Variants in AJAP1 observed in about 807,000 individuals in gnomAD.
AJAP1 encodes adherens junctions associated protein 1.
A neutral mutation model predicts 35.0 loss-of-function variants in AJAP1; 5 were observed. The observed-to-expected ratio is 0.14, with a 90% CI of 0.07 to 0.30. AJAP1 has a LOEUF of 0.30. AJAP1 is among the 10% of genes least tolerant of loss of function. The pLI is 1.00. For missense variants in AJAP1, 586 were observed against 571.0 expected, an observed-to-expected ratio of 1.03 and a Z score of -0.27; for synonymous variants, 284 against 249.3, an observed-to-expected ratio of 1.14 and a Z score of -1.31.
At chr1:4,768,363 G>T (rs112182076) in intron 2 of AJAP1, among the ~76,000 whole-genome samples, 2 of 152,176 alleles carry the variant, frequency 1.3e-5, no homozygotes, top group African/African-American at 4.8e-5. Flanking sequence ...AGAATCCCTC[G>T]TGAAAAACAA....
chr1:4,655,384 TG>T lies in AJAP1; in HGVS notation c.-39del. 1 of 1,528,186 alleles carries T rather than the reference TG, an allele frequency of 6.5e-7. No homozygotes were observed. Among genetic ancestry groups the T allele is most frequent in the Non-Finnish European group, 8.8e-7 (1 of 1,135,748 alleles). The allele number at this position is 1,528,186 out of a possible 1,614,324, so 94.7% of individuals were successfully genotyped here. A position where few individuals can be genotyped will look rare whatever the true frequency, so the allele number is the denominator to read the frequency against. On this transcript the variant is annotated 5_prime_UTR_variant, in exon 1 of 6. It removes the in-frame stop codon of an upstream open reading frame in the 5' UTR. Coordinates refer to ENST00000378191, the MANE Select transcript of AJAP1 (RefSeq NM_018836.4). The surrounding 1 kb of genome is among the most constrained non-coding windows in gnomAD (Gnocchi z 6.9). ...GGGCGCGGGCGCCGCGCAGATGGCC[TG>T]GGCGAGCCAGGTCTGAGGCCCCGCT... is the stretch of plus-strand genomic sequence containing the variant.
intron 5 of AJAP1, among the ~76,000 whole-genome samples, chr1:4,781,950 C>T (rs1341428629): frequency 6.6e-6 from 1 of 152,208 alleles, no homozygotes; most frequent in African/African-American, 2.4e-5. Context: ...CCAGGTGGGA[C>T]TCGCCTTCTC....
chr1:4,750,259 AGT>A (rs1641292749), intron 2 of AJAP1, among the ~76,000 whole-genome samples: 1 of 152,304 alleles, frequency 6.6e-6, no homozygotes, highest in Admixed American at 6.5e-5. Context: ...TGTGCAGGAC[AGT>A]GTGTGTGCAC....
chr1:4,775,312 G>A (rs1641920053), intron 5 of AJAP1, among the ~76,000 whole-genome samples: 1 of 152,152 alleles, frequency 6.6e-6, no homozygotes, highest in African/African-American at 2.4e-5. Context: ...CAGCCCATGG[G>A]TGTGACCTGA....
chr1:4,713,285 C>G (rs938632598), intron 2 of AJAP1, among the ~76,000 whole-genome samples: 1 of 152,158 alleles, frequency 6.6e-6, no homozygotes, highest in Non-Finnish European at 1.5e-5. Flanking sequence ...GTTAACAGAA[C>G]CTTCGCAGAC....
In AJAP1 at chr1:4,720,738, T is replaced by A. The variant is rs1014058013; in HGVS notation, c.829+8039T>A. Among the ~76,000 whole-genome samples, 3 of 152,002 alleles carry A rather than the reference T, an allele frequency of 2.0e-5. No individual in the cohort carries two copies. Among genetic ancestry groups the A allele is most frequent in the Admixed American group, 6.6e-5 (1 of 15,264 alleles). ...GCTCTGCCAGGGTAATCGAATGGTG[T>A]TTGTGGTGGGAAAATGCCATTTGCT... On this transcript the variant is annotated intron_variant, in intron 2 of 5. Coordinates refer to ENST00000378191, the MANE Select transcript of AJAP1 (RefSeq NM_018836.4). The surrounding 1 kb of genome is among the most constrained non-coding windows in gnomAD (Gnocchi z 4.4).
chr1:4,778,272 G>A (rs368548534), intron 5 of AJAP1, among the ~76,000 whole-genome samples: 12 of 152,270 alleles, frequency 7.9e-5, no homozygotes, highest in Non-Finnish European at 1.0e-4. Flanking sequence ...CTTCAGCCAC[G>A]TTATTTTCCA....
chr1:4,727,329 T>G (rs1299300603), intron 2 of AJAP1, among the ~76,000 whole-genome samples: 5 of 152,150 alleles, frequency 3.3e-5, no homozygotes, highest in Admixed American at 2.6e-4. Flanking sequence ...CCACCTTCCC[T>G]GTGTTTCAGG....
At chr1:4,768,836 C>A (rs1331622423) in intron 2 of AJAP1, among the ~76,000 whole-genome samples, 1 of 152,172 alleles carries the variant, frequency 6.6e-6, no homozygotes, top group Non-Finnish European at 1.5e-5. Context: ...CATCCAGGTC[C>A]CAGGAAGGAT....
intron 1 of AJAP1, among the ~76,000 whole-genome samples, chr1:4,709,112 C>T (rs759153403): frequency 4.6e-5 from 7 of 152,166 alleles, no homozygotes; most frequent in Admixed American, 2.0e-4. Context: ...GAGGCAGGCA[C>T]GGGCTTAGGT....
At chr1:4,725,386 C>T (rs1640630697) in intron 2 of AJAP1, among the ~76,000 whole-genome samples, 1 of 152,144 alleles carries the variant, frequency 6.6e-6, no homozygotes, top group African/African-American at 2.4e-5. Context: ...ACCATGGATG[C>T]CCCGTGGAGC....
intron 1 of AJAP1, among the ~76,000 whole-genome samples, chr1:4,659,791 A>G (rs1227942930): frequency 6.6e-6 from 1 of 152,220 alleles, no homozygotes; most frequent in Non-Finnish European, 1.5e-5. Flanking sequence ...AGGACTAGCT[A>G]AAACAGGGAC....
Position 4,654,631 on chromosome 1 carries a change from G to T in AJAP1, c.-795G>T. On this transcript the variant is annotated 5_prime_UTR_variant, in exon 1 of 6. Coordinates refer to ENST00000378191, the MANE Select transcript of AJAP1 (RefSeq NM_018836.4). This position sits in a 1 kb window ranked among gnomAD's most constrained non-coding sequence, Gnocchi z 5.1. ...GGCAGACGCGAGGAGGGAGGCGGCT[G>T]AGCAGCGCGGGCGGCTCTGCGGCGG... is the stretch of plus-strand genomic sequence containing the variant. 2.0e-5 allele frequency: 3 copies of T among 150,558 alleles called. No homozygotes were observed. In the South Asian group the frequency reaches 5.4e-4, roughly 27 times the overall value. The allele number at this position is 150,558 out of a possible 1,614,324, so 9.3% of individuals were successfully genotyped here.
intron 1 of AJAP1, among the ~76,000 whole-genome samples, chr1:4,670,039 A>T (rs1156766653): frequency 6.6e-6 from 1 of 152,112 alleles, no homozygotes; most frequent in Non-Finnish European, 1.5e-5. Context: ...TCTGAGCCTC[A>T]GTTTTCTCAT....
At chr1:4,757,513 C>T (rs1348600539) in intron 2 of AJAP1, among the ~76,000 whole-genome samples, 2 of 152,340 alleles carry the variant, frequency 1.3e-5, no homozygotes, top group East Asian at 3.9e-4. Context: ...CAGACAACTG[C>T]AAAGCATCCT....
chr1:4,705,006 T>G (rs1479019290), intron 1 of AJAP1, among the ~76,000 whole-genome samples: 1 of 152,186 alleles, frequency 6.6e-6, no homozygotes, highest in Non-Finnish European at 1.5e-5. Flanking sequence ...ATGGGGTTGT[T>G]TGTTTTTTTC....
intron 2 of AJAP1, among the ~76,000 whole-genome samples, chr1:4,764,759 A>C (rs1310185783): frequency 6.6e-6 from 1 of 152,170 alleles, no homozygotes; most frequent in Non-Finnish European, 1.5e-5. Context: ...CAATTCCAGG[A>C]CCATCACTCC....
rs77070716 is a variant in AJAP1 at position 4,728,134 on chromosome 1, C to T, written c.829+15435C>T. Among the ~76,000 whole-genome samples, 827 of 152,304 alleles carry T rather than the reference C, an allele frequency of 5.4e-3. 2 individuals carry two copies. Among genetic ancestry groups the T allele is most frequent in the Non-Finnish European group, 8.8e-3 (601 of 68,024 alleles). On this transcript the variant is annotated intron_variant, in intron 2 of 5. Transcript: ENST00000378191. ...CCTCTAAGTGTGTGGTCATTTGCTA[C>T]TTGGCAAAGACAACTAGGAGAGCCT...
rs184674388 is a variant in AJAP1, at chr1:4,747,876, C to T, written c.830-21977C>T. On this transcript the variant is annotated intron_variant, in intron 2 of 5. Coordinates refer to ENST00000378191, the MANE Select transcript of AJAP1 (RefSeq NM_018836.4). ...GGTGGCACACACCTGTAATCAATCC[C>T]AGCTACTTGGGAGGCTGAGGCACGA... 1.1e-3 allele frequency among the ~76,000 whole-genome samples: 166 copies of T among 152,020 alleles called. 1 individual carries two copies. The highest frequency in any genetic ancestry group is 3.8e-3 in the African/African-American group (158 of 41,452).
Sources: allele counts gnomAD v4.1 joint callset (sites outside exome capture counted in the v4.1 genomes callset), GRCh38; gene constraint gnomAD v4.1.1; non-coding constraint Gnocchi (gnomAD v3.1); transcripts MANE v1.5; gene names NCBI Gene and HGNC (gene_info 2026-07-23, HGNC 2026-07-21).